Variants in SHROOM3 observed in about 807,000 individuals in gnomAD.
SHROOM3 encodes shroom family member 3, also known as protein Shroom3.
In SHROOM3, 47 loss-of-function variants were observed where a neutral mutation model predicts 138.6. That is an observed-to-expected ratio of 0.34 (90% confidence interval 0.27 to 0.43). The LOEUF (loss-of-function observed/expected upper bound fraction) is 0.43. SHROOM3 is among the 20% of genes least tolerant of loss of function. The probability of loss-of-function intolerance (pLI) is 1.00; values close to 1 mark genes in which losing one functional copy is unlikely to be tolerated. For synonymous variants in SHROOM3, 1,062 were observed against 1,063.3 expected (o/e 1.00, Z 0.02); for missense variants, 2,491 against 2,596.5 (o/e 0.96, Z 0.88).
intron 4 of SHROOM3, among the ~76,000 whole-genome samples, chr4:76,734,438 T>C (rs1410220027): frequency 1.3e-5 from 2 of 152,168 alleles, no homozygotes; most frequent in Non-Finnish European, 1.5e-5. Context: ...AAGGAATTAG[T>C]GTTCTGTGAG....
intron 2 of SHROOM3, among the ~76,000 whole-genome samples, chr4:76,625,151 C>T (rs943005064): frequency 3.9e-5 from 6 of 152,100 alleles, no homozygotes; most frequent in Admixed American, 6.5e-5. Context: ...TTGCCAGGAA[C>T]CAAAATCATT....
chr4:76,679,988 G>A (rs969102614), intron 2 of SHROOM3, among the ~76,000 whole-genome samples: 7 of 152,132 alleles, frequency 4.6e-5, no homozygotes, highest in South Asian at 4.1e-4. Context: ...GAAGGTTGTC[G>A]CCACTAACAG....
In SHROOM3 at chr4:76,749,039, G is replaced by A. The variant is rs2110140082; in HGVS notation, c.3776G>A (p.Ser1259Asn). 6.2e-7 allele frequency: 1 copy of A among 1,614,038 alleles called. No individual in the cohort carries two copies. The highest frequency in any genetic ancestry group is 2.2e-5 in the East Asian group (1 of 44,864). Residue 1259 changes from serine to asparagine, a missense_variant, in exon 6 of 11, where the codon AGT becomes AAT. Physicochemically the swap from Ser to Asn is conservative, Grantham distance 46 (BLOSUM62 1). Transcript: ENST00000296043. ...AAGGATGTGCTTTTGGGGCAAGACA[G>A]TGGCTTTGGTCTTGTGAAGGATCCA... ...KRQDVLLGQD[S>N]GFGLVKDPCY... is the part of the protein sequence containing the mutation.
intron 1 of SHROOM3, among the ~76,000 whole-genome samples, chr4:76,465,457 T>C (rs1731231663): frequency 6.6e-6 from 1 of 152,206 alleles, no homozygotes; most frequent in Non-Finnish European, 1.5e-5. Context: ...CCTCTTACAG[T>C]AGGCAATCTT....
chr4:76,650,012 C>T (rs1432981466), intron 2 of SHROOM3, among the ~76,000 whole-genome samples: 2 of 152,152 alleles, frequency 1.3e-5, no homozygotes, highest in African/African-American at 4.8e-5. Flanking sequence ...CAGGTGGCTT[C>T]CTTCTCCTTA....
intron 1 of SHROOM3, among the ~76,000 whole-genome samples, chr4:76,519,043 G>A (rs1308197762): frequency 1.3e-5 from 2 of 152,234 alleles, no homozygotes; most frequent in Middle Eastern, 6.8e-3. Context: ...GCATAGCCTT[G>A]CCCTTGGAAG....
At chr4:76,707,007 G>A (rs1720075306) in intron 2 of SHROOM3, among the ~76,000 whole-genome samples, 1 of 152,230 alleles carries the variant, frequency 6.6e-6, no homozygotes, top group East Asian at 1.9e-4. Flanking sequence ...AGCCCAATAG[G>A]CCTGGAGAGT....
chr4:76,495,029 T>C (rs1030368285), intron 1 of SHROOM3, among the ~76,000 whole-genome samples: 16 of 152,230 alleles, frequency 1.1e-4, no homozygotes, highest in Non-Finnish European at 2.9e-5. Flanking sequence ...AAGAAAATGA[T>C]GGCCCCACCA....
At chr4:76,607,262 T>G (rs1734641765) in intron 2 of SHROOM3, among the ~76,000 whole-genome samples, 1 of 152,142 alleles carries the variant, frequency 6.6e-6, no homozygotes, top group African/African-American at 2.4e-5. Context: ...CAGACTGAAC[T>G]GGAAATAAAC....
chr4:76,522,179 G>A, intron 1 of SHROOM3, among the ~76,000 whole-genome samples: 1 of 148,782 alleles, frequency 6.7e-6, no homozygotes. Context: ...GTCATTATTA[G>A]GACAACGGAG....
At chr4:76,689,465 G>T (rs1341760419) in intron 2 of SHROOM3, 33 of 951,716 alleles carry the variant, frequency 3.5e-5, no homozygotes, top group Non-Finnish European at 4.0e-5. Context: ...CGCACCCTCG[G>T]CGCGCCGCGC....
chr4:76,549,147 G>GT (rs1214701331), intron 1 of SHROOM3, among the ~76,000 whole-genome samples: 1 of 151,928 alleles, frequency 6.6e-6, no homozygotes, highest in African/African-American at 2.4e-5. Flanking sequence ...TGTAAACAAG[G>GT]TTTTTTTAGT....
At chr4:76,704,631 A>T (rs1431043656) in intron 2 of SHROOM3, among the ~76,000 whole-genome samples, 3 of 152,210 alleles carry the variant, frequency 2.0e-5, no homozygotes, top group Non-Finnish European at 4.4e-5. Context: ...GAAAGGTTGA[A>T]GGAGGGGCAG....
intron 2 of SHROOM3, among the ~76,000 whole-genome samples, chr4:76,692,299 C>T (rs1390741637): frequency 6.6e-6 from 1 of 152,216 alleles, no homozygotes; most frequent in African/African-American, 2.4e-5. Flanking sequence ...GAACAATGGT[C>T]ATTCATTTAT....
At position 76,588,675 on chromosome 4, in the gene SHROOM3, G is replaced by A. The variant is rs1734199864; in HGVS notation, c.323+32912G>A. ...GGAGGCCTGTAGGTTCAGAAGCTGA[G>A]CAGCTGGGTGAAGACCTCCCTTAGC... On this transcript the variant is annotated intron_variant, in intron 2 of 10. Coordinates refer to ENST00000296043, the MANE Select transcript of SHROOM3 (RefSeq NM_020859.4). Among the ~76,000 whole-genome samples the A allele has an allele frequency of 2.0e-5, 3 of 152,254 alleles. No individual in the cohort carries two copies. In the South Asian group the frequency reaches 6.2e-4, roughly 32 times the overall value.
intron 1 of SHROOM3, among the ~76,000 whole-genome samples, chr4:76,478,467 A>G (rs1360429610): frequency 6.6e-6 from 1 of 152,264 alleles, no homozygotes; most frequent in Non-Finnish European, 1.5e-5. Flanking sequence ...AAAGAAAGGC[A>G]GAAGCCCCAG....
chr4:76,691,259 A>T (rs1196006732), intron 2 of SHROOM3, among the ~76,000 whole-genome samples: 1 of 152,200 alleles, frequency 6.6e-6, no homozygotes, highest in African/African-American at 2.4e-5. Flanking sequence ...TAAGAATAGG[A>T]TAAACATCCA....
rs558778572 is a variant in SHROOM3 at position 76,511,645 on chromosome 4, G to A, written c.169-43964G>A. On this transcript the variant is annotated intron_variant, in intron 1 of 10. Transcript: ENST00000296043. ...AAAACAACTTCTGTCTTCCAGGATC[G>A]GGGAGGATTTGCAGTATGGGGGCTT... 4.6e-5 allele frequency among the ~76,000 whole-genome samples: 7 copies of A among 152,334 alleles called. No individual in the cohort carries two copies. The East Asian group carries it at 7.7e-4, about 17-fold the overall frequency.
At chr4:76,663,884 T>A (rs1345910030) in intron 2 of SHROOM3, among the ~76,000 whole-genome samples, 1 of 152,208 alleles carries the variant, frequency 6.6e-6, no homozygotes, top group Non-Finnish European at 1.5e-5. Flanking sequence ...TAGTTCCAAC[T>A]GGTTCACTTT....
Sources: gnomAD v4.1 joint callset for allele counts (sites outside exome capture counted in the v4.1 genomes callset) on GRCh38, gnomAD v4.1.1 for gene constraint, MANE v1.5 for transcripts, NCBI Gene and HGNC (gene_info 2026-07-23, HGNC 2026-07-21) for gene names.